Variants in FAM133A observed in about 807,000 individuals in gnomAD.
FAM133A encodes family with sequence similarity 133 member A.
For synonymous variants in FAM133A, 65 were observed against 58.6 expected (o/e 1.11, Z -0.50); for missense variants, 159 against 164.4 (o/e 0.97, Z 0.18).
chrX:93,691,395 A>G (rs1273644331), intron 2 of FAM133A, among the ~76,000 whole-genome samples: 1 of 112,171 alleles, frequency 8.9e-6, no homozygotes, highest in Non-Finnish European at 1.9e-5. Context: ...CATTTGTTGA[A>G]AAGACTATCG....
chrX:93,704,221 A>G (rs1926902002), intron 3 of FAM133A, among the ~76,000 whole-genome samples: 1 of 111,643 alleles, frequency 9.0e-6, no homozygotes, highest in South Asian at 3.7e-4. Flanking sequence ...CACTATTGTT[A>G]TTTTCTATAT....
intron 2 of FAM133A, among the ~76,000 whole-genome samples, chrX:93,676,183 G>A (rs1200297654): frequency 1.8e-5 from 2 of 110,928 alleles, no homozygotes; most frequent in Non-Finnish European, 3.8e-5. Flanking sequence ...TTGGTCAGAC[G>A]TTTGCTGCAA....
intron 3 of FAM133A, among the ~76,000 whole-genome samples, chrX:93,699,008 A>T (rs760373554): frequency 9.0e-5 from 10 of 110,842 alleles, no homozygotes; most frequent in Non-Finnish European, 1.3e-4. Context: ...AAATGATACT[A>T]AGGTTGCACT....
In FAM133A at chrX:93,709,378, TCCTTGGCAACTGAGAGTCTGC is replaced by T. The variant is rs1219900395; in HGVS notation, c.-35_-15del. On this transcript the variant is annotated 5_prime_UTR_variant, in exon 4 of 4. Coordinates refer to ENST00000683942, the MANE Select transcript of FAM133A (RefSeq NM_001171109.2). The stretch of plus-strand genomic sequence containing the variant: ...TTAAGGCGAGTATCTATCTTTGTTC[TCCTTGGCAACTGAGAGTCTGC>T]CCTTGGAAACATCAGGCACCATGGG... The T allele has an allele frequency of 9.1e-7, 1 of 1,095,107 alleles. No individual in the cohort carries two copies. Among genetic ancestry groups the T allele is most frequent in the Non-Finnish European group, 1.2e-6 (1 of 841,796 alleles). 90.2% of individuals were successfully genotyped at this position (1,095,107 alleles called of 1,213,427 possible).
chrX:93,695,152 G>C (rs778116620), intron 2 of FAM133A, among the ~76,000 whole-genome samples: 1 of 111,659 alleles, frequency 9.0e-6, no homozygotes, highest in South Asian at 3.7e-4. Context: ...TAGAGAATAT[G>C]CATATTTTTC....
chrX:93,696,642 C>T (rs954222742), intron 2 of FAM133A, among the ~76,000 whole-genome samples: 2 of 111,522 alleles, frequency 1.8e-5, no homozygotes, highest in African/African-American at 6.5e-5. Context: ...TATAGGCGGC[C>T]GGGCGCAGTG....
intron 3 of FAM133A, among the ~76,000 whole-genome samples, chrX:93,703,033 A>G (rs1342890557): frequency 9.1e-6 from 1 of 109,319 alleles, no homozygotes; most frequent in Non-Finnish European, 1.9e-5. Flanking sequence ...ACGAAAAAAT[A>G]CAAAAATTAG....
chrX:93,684,346 G>A (rs1161467400), intron 2 of FAM133A, among the ~76,000 whole-genome samples: 1 of 111,735 alleles, frequency 8.9e-6, no homozygotes, highest in Non-Finnish European at 1.9e-5. Flanking sequence ...TTTCTGTTCT[G>A]TTCTATTGAA....
chrX:93,707,889 G>A lies in FAM133A; in HGVS notation c.-103-1428G>A, dbSNP rs143235862. On this transcript the variant is annotated intron_variant, in intron 3 of 3. Coordinates refer to ENST00000683942, the MANE Select transcript of FAM133A (RefSeq NM_001171109.2). The stretch of plus-strand genomic sequence containing the variant: ...GTAATGGGAACACCGTGGTGAATAA[G>A]ATAGGCCACACATGACCTTTACCCT... Among the ~76,000 whole-genome samples the A allele has an allele frequency of 2.7e-5, 3 of 112,005 alleles. 1 individual carries two copies. The South Asian group carries it at 1.1e-3, about 41-fold the overall frequency.
rs757951907 is a variant in FAM133A at position 93,710,919 on chromosome X, T to G, written c.*753T>G. On this transcript the variant is annotated 3_prime_UTR_variant, in exon 4 of 4. Coordinates refer to ENST00000683942, the MANE Select transcript of FAM133A (RefSeq NM_001171109.2). ...TATTACAATATTACATGATTTGAAA[T>G]AACTTTATACCCATTTTGTATGGGA... is the stretch of plus-strand genomic sequence containing the variant. The G allele has an allele frequency of 8.1e-6, 1 of 123,287 alleles. No homozygotes were observed. Among genetic ancestry groups the G allele is most frequent in the Admixed American group, 9.5e-5 (1 of 10,494 alleles). 10.2% of individuals were successfully genotyped at this position (123,287 alleles called of 1,213,427 possible).
In FAM133A at chrX:93,710,830, C is replaced by T. The variant is rs977426966; in HGVS notation, c.*664C>T. On this transcript the variant is annotated 3_prime_UTR_variant, in exon 4 of 4. Coordinates refer to ENST00000683942, the MANE Select transcript of FAM133A (RefSeq NM_001171109.2). ...AGGAGTTTACAGCATAAGTAAGCCCCCATATCTATGAAATTTACCTCTTCT... is the reference window on the plus strand; with the variant it reads ...AGGAGTTTACAGCATAAGTAAGCCCTCATATCTATGAAATTTACCTCTTCT... 3.3e-5 allele frequency: 4 copies of T among 122,566 alleles called. No homozygotes were observed. The highest frequency in any genetic ancestry group is 7.5e-5 in the Non-Finnish European group (4 of 53,068). The allele number at this position is 122,566 out of a possible 1,213,427, so 10.1% of individuals were successfully genotyped here.
intron 2 of FAM133A, among the ~76,000 whole-genome samples, chrX:93,697,496 C>T (rs1478682185): frequency 9.0e-6 from 1 of 111,150 alleles, no homozygotes; most frequent in Non-Finnish European, 1.9e-5. Flanking sequence ...TACCTGTTAA[C>T]CAGGTAACAC....
intron 2 of FAM133A, among the ~76,000 whole-genome samples, chrX:93,683,180 A>G (rs1751977816): frequency 8.9e-6 from 1 of 112,041 alleles, no homozygotes; most frequent in African/African-American, 3.2e-5. Context: ...AAATCTAATG[A>G]TGATCCACAT....
chrX:93,697,579 TA>T (rs1926392358), intron 2 of FAM133A, among the ~76,000 whole-genome samples: 1 of 112,151 alleles, frequency 8.9e-6, no homozygotes, highest in East Asian at 2.8e-4. Context: ...GCATATTTTT[TA>T]AAATCTCCTT....
At chrX:93,691,726 A>G (rs963553054) in intron 2 of FAM133A, among the ~76,000 whole-genome samples, 2 of 111,853 alleles carry the variant, frequency 1.8e-5, no homozygotes, top group Non-Finnish European at 3.8e-5. Context: ...GTTGGATTTA[A>G]TCTATTATTC....
At chrX:93,679,547 C>G (rs1469062130) in intron 2 of FAM133A, among the ~76,000 whole-genome samples, 1 of 110,395 alleles carries the variant, frequency 9.1e-6, no homozygotes, top group African/African-American at 3.3e-5. Flanking sequence ...TTTAACATAG[C>G]GCTATTTTTT....
At chrX:93,703,828 G>A (rs1012293248) in intron 3 of FAM133A, among the ~76,000 whole-genome samples, 2 of 112,125 alleles carry the variant, frequency 1.8e-5, no homozygotes, top group African/African-American at 3.2e-5. Context: ...TTAAGATGGC[G>A]GAGATTGACT....
chrX:93,694,809 G>T (rs908340576), intron 2 of FAM133A, among the ~76,000 whole-genome samples: 3 of 110,368 alleles, frequency 2.7e-5, no homozygotes, highest in Non-Finnish European at 5.7e-5. Context: ...GTGATTCCAG[G>T]CTCACCAAGG....
Position 93,710,828 on chromosome X carries a change from C to T in FAM133A, c.*662C>T, listed in dbSNP as rs754911944. ...ACAGGAGTTTACAGCATAAGTAAGC[C>T]CCCATATCTATGAAATTTACCTCTT... is the stretch of plus-strand genomic sequence containing the variant. On this transcript the variant is annotated 3_prime_UTR_variant, in exon 4 of 4. Coordinates refer to ENST00000683942, the MANE Select transcript of FAM133A (RefSeq NM_001171109.2). 8.2e-4 allele frequency: 101 copies of T among 122,548 alleles called. No homozygotes were observed. The highest frequency in any genetic ancestry group is 1.7e-3 in the Non-Finnish European group (90 of 53,078). 10.1% of individuals were successfully genotyped at this position (122,548 alleles called of 1,213,427 possible).
Sources: allele counts gnomAD v4.1 joint callset (sites outside exome capture counted in the v4.1 genomes callset), GRCh38; gene constraint gnomAD v4.1.1; transcripts MANE v1.5; gene names NCBI Gene and HGNC (gene_info 2026-07-23, HGNC 2026-07-21).